Variants in JAML observed in about 807,000 individuals in gnomAD.
The protein encoded by JAML is junctional adhesion molecule-like.
In JAML, 25 loss-of-function variants were observed where a neutral mutation model predicts 39.3. The observed-to-expected ratio is 0.64, with a 90% confidence interval of 0.46 to 0.89. The LOEUF is 0.89. JAML is among the 40% of genes least tolerant of loss of function. The probability of loss-of-function intolerance (pLI) is 0.00; values close to 1 mark genes in which losing one functional copy is unlikely to be tolerated. For missense variants in JAML, 440 were observed against 486.9 expected (o/e 0.90, Z 0.91); for synonymous variants, 162 against 179.2 (o/e 0.90, Z 0.77).
intron 2 of JAML, 35 bp downstream of exon 2, chr11:118,214,789 C>A: frequency 6.2e-7 from 1 of 1,608,842 alleles, no homozygotes; most frequent in South Asian, 1.1e-5. Context: ...CAGGAGAAAT[C>A]AAATACCCCA....
intron 6 of JAML, chr11:118,202,862 C>T: frequency 2.3e-6 from 1 of 434,536 alleles, no homozygotes; most frequent in East Asian, 7.0e-5. Flanking sequence ...CCTCACTTAT[C>T]AACCTCTCTC....
chr11:118,222,187 G>T lies in JAML; in HGVS notation c.-21+2754C>A, dbSNP rs1007423724. On this transcript the variant is annotated intron_variant, in intron 1 of 9. Coordinates refer to ENST00000356289, the MANE Select transcript of JAML (RefSeq NM_001098526.2). This position sits in a 1 kb window ranked among gnomAD's most constrained non-coding sequence, Gnocchi z 4.2. ...TCCTAGCACTTTGAGAGGCCAAGGTGGACAGATCGCTTGAGCCCAGGAGTT... is the reference window on the plus strand; with the variant it reads ...TCCTAGCACTTTGAGAGGCCAAGGTTGACAGATCGCTTGAGCCCAGGAGTT... 6.6e-6 allele frequency among the ~76,000 whole-genome samples: 1 copy of T among 152,126 alleles called. No homozygotes were observed. Among genetic ancestry groups the T allele is most frequent in the Non-Finnish European group, 1.5e-5 (1 of 68,012 alleles).
intron 2 of JAML, chr11:118,213,385 C>G: frequency 2.1e-6 from 2 of 969,750 alleles, no homozygotes; most frequent in Non-Finnish European, 2.5e-6. Context: ...ATGTGCCAGT[C>G]TTTTCATCCA....
At chr11:118,208,240 AAAG>A (rs57289846) in intron 4 of JAML, among the ~76,000 whole-genome samples, 109,785 of 151,408 alleles carry the variant, frequency 0.73, 39,930 homozygotes, top group South Asian at 0.83. Flanking sequence ...CCTAAAAAAA[AAAG>A]AGAGAGAGAG....
chr11:118,203,658 A>G lies in JAML; in HGVS notation c.542T>C (p.Ile181Thr), dbSNP rs774330998. 183 of 1,609,638 alleles carry G rather than the reference A, an allele frequency of 1.1e-4. No homozygotes were observed. Among genetic ancestry groups the G allele is most frequent in the Non-Finnish European group, 1.5e-4 (176 of 1,176,126 alleles). ...GAGTTTGTGGTAGTAACGAAATACA[A>G]TCTCCTCCTAGAAGTGAAAGACAAA... ...IFSGRRAKEE[I>T]VFRYYHKLRM... Residue 181 changes from isoleucine to threonine, a missense_variant, in exon 6 of 10, where the codon ATT (isoleucine) becomes ACT (threonine). Coordinates refer to ENST00000356289, the MANE Select transcript of JAML (RefSeq NM_001098526.2).
chr11:118,202,605 C>T, intron 6 of JAML: 1 of 222,540 alleles, frequency 4.5e-6, no homozygotes, highest in South Asian at 6.0e-5. Flanking sequence ...CCCATAATGG[C>T]TCGATTTTCT....
At chr11:118,205,821 C>T in intron 5 of JAML, 61 bp downstream of exon 5, 1 of 1,496,400 alleles carries the variant, frequency 6.7e-7, no homozygotes, top group Non-Finnish European at 9.3e-7. Context: ...CTGATTCTAC[C>T]TTTGTCCTGA....
At chr11:118,205,789 C>A (rs1235236051) in intron 5 of JAML, 93 bp downstream of exon 5, 1 of 1,212,966 alleles carries the variant, frequency 8.2e-7, no homozygotes, top group African/African-American at 1.5e-5. Context: ...AGCCCAGGCT[C>A]TTGCAACACC....
chr11:118,203,307 C>A, intron 6 of JAML, 121 bp downstream of exon 6: 1 of 892,502 alleles, frequency 1.1e-6, no homozygotes, highest in Non-Finnish European at 1.8e-6. Flanking sequence ...CCAGAGTCAG[C>A]ACCTGAGAGG....
Position 118,220,818 on chromosome 11 carries a change from G to T in JAML, c.-21+4123C>A, listed in dbSNP as rs907955896. ...AATGGGATACATGGGAAAAAGCCCC[G>T]CACAGCTTGTACCCTCTGCCACAAG... On this transcript the variant is annotated intron_variant, in intron 1 of 9. Transcript: ENST00000356289. Among the ~76,000 whole-genome samples the T allele has an allele frequency of 3.3e-5, 5 of 152,282 alleles. No homozygotes were observed. The East Asian group carries it at 9.7e-4, about 29-fold the overall frequency.
rs918848840 is a variant in JAML at position 118,203,608 on chromosome 11, T to C, written c.592A>G (p.Ser198Gly). ...ACACGATTCTGGAAGTGGCCCCAGC[T>C]CTGGGAGTACTCCACAGACATCCTG... The part of the protein sequence containing the change: ...KLRMSVEYSQ[S>G]WGHFQNRVNL... Residue 198 changes from serine to glycine, a missense_variant, in exon 6 of 10, where the codon AGC becomes GGC. Ser to Gly is a moderately conservative substitution (Grantham distance 56). Transcript: ENST00000356289. 6 of 1,614,094 alleles carry C rather than the reference T, an allele frequency of 3.7e-6. No homozygotes were observed. In the Admixed American group the frequency reaches 8.3e-5, roughly 22 times the overall value.
intron 5 of JAML, chr11:118,203,995 T>C: frequency 3.4e-6 from 1 of 290,826 alleles, no homozygotes; most frequent in Non-Finnish European, 6.7e-6. Flanking sequence ...GGATTTCCAA[T>C]AGGAACCTGA....
At chr11:118,220,847 A>G (rs976066881) in intron 1 of JAML, among the ~76,000 whole-genome samples, 10 of 152,230 alleles carry the variant, frequency 6.6e-5, no homozygotes, top group Admixed American at 5.9e-4. Flanking sequence ...CCACAAGCTC[A>G]GCTGCTGAAA....
chr11:118,200,550 CA>C lies in JAML; in HGVS notation c.834del (p.Ile278MetfsTer15). 6.2e-7 allele frequency: 1 copy of C among 1,614,164 alleles called. No individual in the cohort carries two copies. Among genetic ancestry groups the C allele is most frequent in the South Asian group, 1.1e-5 (1 of 91,090 alleles). On this transcript the variant is annotated frameshift_variant, in exon 7 of 10. Transcript: ENST00000356289. LOFTEE classifies it high-confidence loss of function. ...LVLGGNQLVI[I>X]VGIVCATILL... ...AGGATTGTGGCACAGACAATTCCCA[CA>C]ATGATCACCAACTGATTACCACCCA...
chr11:118,203,559 C>G lies in JAML; in HGVS notation c.641G>C (p.Arg214Pro), dbSNP rs75667040. ...TTGAAGCATGATGGAACCGTCATTG[C>G]GGAAAATGTCCCCCACCAGGTTCAC... The part of the protein sequence containing the change: ...NRVNLVGDIF[R>P]NDGSIMLQGV... The change falls in exon 6 of 10, where the codon CGC becomes CCC. Residue 214 changes from arginine (R) to proline (P), a missense_variant. By Grantham distance (103) the Arg-to-Pro change is moderately radical. Coordinates refer to ENST00000356289, the MANE Select transcript of JAML (RefSeq NM_001098526.2). 2.5e-6 allele frequency: 4 copies of G among 1,614,048 alleles called. No individual in the cohort carries two copies. Among genetic ancestry groups the G allele is most frequent in the Non-Finnish European group, 3.4e-6 (4 of 1,180,032 alleles).
rs1949169763 is a variant in JAML at position 118,218,269 on chromosome 11, TTTTAG to T, written c.-20-3388_-20-3384del. 3.3e-5 allele frequency among the ~76,000 whole-genome samples: 5 copies of T among 152,288 alleles called. No homozygotes were observed. In the South Asian group the frequency reaches 1.0e-3, roughly 32 times the overall value. ...CCACCATGCCTGGCTAATTTTGTAC[TTTTAG>T]TAGAGACAGGGTTTCACCATGTTGG... On this transcript the variant is annotated intron_variant, in intron 1 of 9. Transcript: ENST00000356289.
In JAML at chr11:118,199,898, G is replaced by A. The variant is rs552824120; in HGVS notation, c.911+576C>T. Among the ~76,000 whole-genome samples the A allele has an allele frequency of 2.2e-4, 33 of 151,914 alleles. 1 individual carries two copies. Among genetic ancestry groups the A allele is most frequent in the South Asian group, 1.7e-3 (8 of 4,812 alleles). ...TTTTTAGTAAAGACAGCTTTTCACC[G>A]TGTTAGCAAGGATGGTCTCGATCTC... On this transcript the variant is annotated intron_variant, in intron 7 of 9. Coordinates refer to ENST00000356289, the MANE Select transcript of JAML (RefSeq NM_001098526.2).
rs375940544 is a variant in JAML, at chr11:118,214,843, G to C, written c.24C>G (p.Ile8Met). MFCPLKL[I>M]LLPVLLDYSL... ...ACTTACCCAGTAACACTGGCAGCAG[G>C]ATGAGTTTCAGTGGGCAAAACATGC... Residue 8 changes from isoleucine (I) to methionine (M), a missense_variant, in exon 2 of 10, where the codon ATC becomes ATG. Coordinates refer to ENST00000356289, the MANE Select transcript of JAML (RefSeq NM_001098526.2). 1.9e-6 allele frequency: 3 copies of C among 1,614,036 alleles called. No homozygotes were observed. The African/African-American group carries it at 4.0e-5, about 22-fold the overall frequency.
Position 118,214,828 on chromosome 11 carries a change from T to G in JAML, c.39A>C (p.Leu13Phe), listed in dbSNP as rs1358594042. The G allele has an allele frequency of 6.2e-7, 1 of 1,614,098 alleles. No homozygotes were observed. Among genetic ancestry groups the G allele is most frequent in the Non-Finnish European group, 8.5e-7 (1 of 1,179,982 alleles). ...CPLKLILLPV[L>F]LDYSLGLNDL... ...AGTCCCTTAGCTTCTACTTACCCAG[T>G]AACACTGGCAGCAGGATGAGTTTCA... The change falls in exon 2 of 10, where the codon TTA (leucine) becomes TTC (phenylalanine). Residue 13 changes from leucine (L) to phenylalanine (F), a missense_variant. Physicochemically the swap from Leu to Phe is conservative, Grantham distance 22 (BLOSUM62 0). Coordinates refer to ENST00000356289, the MANE Select transcript of JAML (RefSeq NM_001098526.2).
Sources: allele counts gnomAD v4.1 joint callset (sites outside exome capture counted in the v4.1 genomes callset), GRCh38; gene constraint gnomAD v4.1.1; non-coding constraint Gnocchi (gnomAD v3.1); transcripts MANE v1.5; gene names NCBI Gene and HGNC (gene_info 2026-07-23, HGNC 2026-07-21).